Variants in DPP6 observed in about 807,000 individuals in gnomAD.
DPP6 encodes dipeptidyl peptidase like 6.
DPP6 carries 69 observed loss-of-function variants against 122.6 expected under a neutral mutation model. The ratio of observed to expected loss-of-function variants is 0.56; its 90% confidence interval spans 0.46 to 0.69. The LOEUF (loss-of-function observed/expected upper bound fraction) is 0.69, where lower values mean the gene tolerates loss of function less well. Among genes scored for constraint, DPP6 ranks in the 30% least tolerant of loss-of-function variants. The probability of loss-of-function intolerance (pLI) is 0.00; values close to 1 mark genes in which losing one functional copy is unlikely to be tolerated. For missense variants in DPP6, 928 were observed against 1,116.9 expected, an observed-to-expected ratio of 0.83 and a Z score of 2.41; for synonymous variants, 418 against 433.1, an observed-to-expected ratio of 0.97 and a Z score of 0.43.
chr7:154,289,164 G>A (rs1805041480), intron 1 of DPP6, among the ~76,000 whole-genome samples: 1 of 152,184 alleles, frequency 6.6e-6, no homozygotes, highest in Non-Finnish European at 1.5e-5. Flanking sequence ...AATGTTAGTG[G>A]AGAGGTAGAT....
rs757884932 is a variant in DPP6 at position 154,390,125 on chromosome 7, TC to T, written c.244-56088del. 8.9e-4 allele frequency among the ~76,000 whole-genome samples: 136 copies of T among 152,340 alleles called. 1 individual carries two copies. Among genetic ancestry groups the T allele is most frequent in the Non-Finnish European group, 1.7e-3 (118 of 68,020 alleles). On this transcript the variant is annotated intron_variant, in intron 1 of 25. Coordinates refer to ENST00000377770, the MANE Select transcript of DPP6 (RefSeq NM_130797.4). ...CATTAATTGAACAATTGATTGGTCA[TC>T]TACTGCATGCCAGTTAGCTTATTAG...
At chr7:153,892,212 G>A (rs1280368113) in intron 1 of DPP6, among the ~76,000 whole-genome samples, 1 of 152,240 alleles carries the variant, frequency 6.6e-6, no homozygotes, top group Non-Finnish European at 1.5e-5. Flanking sequence ...AAGCAGAATG[G>A]CATTCCAGCG....
chr7:153,905,513 T>C (rs1258795584), intron 1 of DPP6, among the ~76,000 whole-genome samples: 2 of 152,108 alleles, frequency 1.3e-5, no homozygotes, highest in Non-Finnish European at 2.9e-5. Context: ...CAGTGAAAGA[T>C]ACAATGGGTG....
At chr7:154,680,462 G>A (rs1563097014) in intron 7 of DPP6, among the ~76,000 whole-genome samples, 1 of 152,122 alleles carries the variant, frequency 6.6e-6, no homozygotes. Context: ...ATAGGAAGAG[G>A]TATTATATAA....
intron 6 of DPP6, among the ~76,000 whole-genome samples, chr7:154,641,846 G>T (rs544374685): frequency 4.9e-4 from 75 of 152,256 alleles, no homozygotes; most frequent in African/African-American, 1.7e-3. Context: ...AATAGAAACT[G>T]CTGGGTGTTC....
chr7:154,163,480 G>A (rs3115189), intron 1 of DPP6, among the ~76,000 whole-genome samples: 6 of 151,992 alleles, frequency 3.9e-5, no homozygotes, highest in Admixed American at 6.5e-5. Flanking sequence ...CCAGATAGTC[G>A]ACAATTATGT....
At chr7:153,784,069 G>T in the DPP6 span, among the ~76,000 whole-genome samples, 3 of 152,146 alleles carry the variant, frequency 2.0e-5, no homozygotes, top group South Asian at 6.2e-4. Flanking sequence ...CATTTAGCTT[G>T]GAATTTAAAA....
chr7:154,557,736 C>A (rs1830147662), intron 4 of DPP6, among the ~76,000 whole-genome samples: 1 of 151,992 alleles, frequency 6.6e-6, no homozygotes, highest in South Asian at 2.1e-4. Context: ...ATGAACCATG[C>A]CATCCCGTGG....
At chr7:154,171,962 A>G (rs1045968197) in intron 1 of DPP6, among the ~76,000 whole-genome samples, 5 of 152,148 alleles carry the variant, frequency 3.3e-5, no homozygotes, top group African/African-American at 1.2e-4. Context: ...ACGTTATGAA[A>G]CAGTATTACT....
chr7:154,141,431 G>C (rs62487196), intron 1 of DPP6, among the ~76,000 whole-genome samples: 1 of 152,000 alleles, frequency 6.6e-6, no homozygotes, highest in Non-Finnish European at 1.5e-5. Flanking sequence ...CAGGGTTTCA[G>C]TTCTGTCTTG....
chr7:154,220,778 TATG>T (rs1258202441), intron 1 of DPP6, among the ~76,000 whole-genome samples: 1 of 152,210 alleles, frequency 6.6e-6, no homozygotes, highest in Non-Finnish European at 1.5e-5. Context: ...AGACAACTCA[TATG>T]ATAAGCTGGG....
At chr7:154,461,194 C>T (rs11767559) in intron 2 of DPP6, among the ~76,000 whole-genome samples, 3 of 152,056 alleles carry the variant, frequency 2.0e-5, no homozygotes, top group African/African-American at 7.2e-5. Context: ...AATGACAAAT[C>T]TCATTCATTT....
At chr7:153,887,488 A>G (rs1798981506) in exon 1 of DPP6, 2 of 540,678 alleles carry the variant, frequency 3.7e-6, no homozygotes, top group Non-Finnish European at 3.3e-6. Context: ...GTTGATTGCT[A>G]TTGGGATCCG....
intron 2 of DPP6, among the ~76,000 whole-genome samples, chr7:154,459,215 A>G (rs977702127): frequency 6.6e-6 from 1 of 150,564 alleles, no homozygotes; most frequent in Non-Finnish European, 1.5e-5. Context: ...TTCTGAGACT[A>G]AGTAACCCCT....
chr7:153,801,941 G>T, the DPP6 span, among the ~76,000 whole-genome samples: 1 of 152,094 alleles, frequency 6.6e-6, no homozygotes, highest in Non-Finnish European at 1.5e-5. Flanking sequence ...CTGCTAGGAA[G>T]TCAGGGCAAA....
intron 2 of DPP6, among the ~76,000 whole-genome samples, chr7:154,466,065 T>C (rs1821753828): frequency 6.6e-6 from 1 of 152,122 alleles, no homozygotes; most frequent in Non-Finnish European, 1.5e-5. Flanking sequence ...GGGACATGGA[T>C]GAAGCTGTAA....
chr7:154,316,871 A>G (rs1047242322), intron 1 of DPP6, among the ~76,000 whole-genome samples: 2 of 152,148 alleles, frequency 1.3e-5, no homozygotes, highest in African/African-American at 4.8e-5. Context: ...CCAGCCTGGG[A>G]TTCAGACAGG....
intron 1 of DPP6, among the ~76,000 whole-genome samples, chr7:154,236,456 T>C (rs1171135021): frequency 1.3e-5 from 2 of 152,172 alleles, no homozygotes; most frequent in Non-Finnish European, 2.9e-5. Context: ...GCAACAAAAA[T>C]TGGGATTTAT....
At chr7:154,530,164 T>G (rs1466610528) in intron 3 of DPP6, among the ~76,000 whole-genome samples, 1 of 151,198 alleles carries the variant, frequency 6.6e-6, no homozygotes, top group Non-Finnish European at 1.5e-5. Context: ...AAGAAGGAAA[T>G]TATTCAAAAT....
Sources: gnomAD v4.1 joint callset for allele counts (sites outside exome capture counted in the v4.1 genomes callset) on GRCh38, gnomAD v4.1.1 for gene constraint, MANE v1.5 for transcripts, NCBI Gene and HGNC (gene_info 2026-07-23, HGNC 2026-07-21) for gene names.